Variants in TMIGD3 observed in about 807,000 individuals in gnomAD.
TMIGD3 encodes the protein transmembrane and immunoglobulin domain containing 3, also known as AD026 protein (AD026).
Under a neutral mutation model 28.1 loss-of-function variants are expected in TMIGD3, and 21 were observed. The ratio of observed to expected loss-of-function variants is 0.75; its 90% CI spans 0.53 to 1.08. TMIGD3 has a LOEUF of 1.08. Among genes scored for constraint, TMIGD3 ranks in the 50% least tolerant of loss-of-function variants. The pLI is 0.00. For missense variants in TMIGD3, 416 were observed against 435.6 expected, an observed-to-expected ratio of 0.96 and a Z score of 0.40; for synonymous variants, 151 against 162.1, an observed-to-expected ratio of 0.93 and a Z score of 0.52.
chr1:111,511,378 C>T (rs906199658), intron 1 of TMIGD3, among the ~76,000 whole-genome samples: 2 of 152,186 alleles, frequency 1.3e-5, no homozygotes, highest in African/African-American at 4.8e-5. Flanking sequence ...GTAGTACTCT[C>T]AGGTCTGTCT....
intron 1 of TMIGD3, among the ~76,000 whole-genome samples, chr1:111,531,749 T>A (rs1463376348): frequency 6.6e-6 from 1 of 152,084 alleles, no homozygotes; most frequent in Non-Finnish European, 1.5e-5. Context: ...AGAGACAGAT[T>A]CTATGTTGCC....
intron 1 of TMIGD3, among the ~76,000 whole-genome samples, chr1:111,534,207 G>A (rs1656562460): frequency 6.6e-6 from 1 of 152,200 alleles, no homozygotes; most frequent in South Asian, 2.1e-4. Flanking sequence ...AACATATCAT[G>A]GGTATCTTTC....
chr1:111,549,123 A>G (rs1388573141), intron 1 of TMIGD3, among the ~76,000 whole-genome samples: 1 of 152,116 alleles, frequency 6.6e-6, no homozygotes, highest in Non-Finnish European at 1.5e-5. Flanking sequence ...CACAATGGAT[A>G]TTGGTCTGTT....
intron 1 of TMIGD3, chr1:111,499,890 C>G: frequency 6.3e-7 from 1 of 1,584,328 alleles, no homozygotes; most frequent in Non-Finnish European, 8.6e-7. Flanking sequence ...TACAGGCCCT[C>G]AAGTGTTTGT....
chr1:111,515,500 C>T (rs1349570034), intron 1 of TMIGD3, among the ~76,000 whole-genome samples: 1 of 152,200 alleles, frequency 6.6e-6, no homozygotes, highest in African/African-American at 2.4e-5. Context: ...GCTGCCAGTC[C>T]CCTTTCAGCA....
At chr1:111,503,918 A>G (rs1544224), upstream of TMIGD3, 733,611 of 984,730 alleles carry the variant, frequency 0.74, 273,787 homozygotes, top group Middle Eastern at 0.81. Flanking sequence ...AGGTGGGAGC[A>G]GAGCTGGAAG....
chr1:111,521,370 T>A (rs1656055842), intron 1 of TMIGD3, among the ~76,000 whole-genome samples: 3 of 152,218 alleles, frequency 2.0e-5, no homozygotes, highest in Non-Finnish European at 4.4e-5. Flanking sequence ...AAAATGATTA[T>A]ATCATTTTAC....
At chr1:111,485,707 T>TGGGGG in intron 5 of TMIGD3, 33 bp downstream of exon 5, 1 of 1,353,498 alleles carries the variant, frequency 7.4e-7, no homozygotes. Flanking sequence ...CTCTAATTCT[T>TGGGGG]GCCCACCCCC....
At chr1:111,488,426 T>C (rs768523960) in intron 3 of TMIGD3, among the ~76,000 whole-genome samples, 1 of 152,194 alleles carries the variant, frequency 6.6e-6, no homozygotes, top group Admixed American at 6.5e-5. Flanking sequence ...TTAAACCAGA[T>C]TGCTGTAAGG....
intron 1 of TMIGD3, among the ~76,000 whole-genome samples, chr1:111,527,302 G>A (rs561004330): frequency 1.3e-4 from 20 of 152,228 alleles, no homozygotes; most frequent in South Asian, 4.1e-4. Flanking sequence ...GTGAGCCACC[G>A]CGCCTGACCC....
chr1:111,555,519 A>T (rs1388049198), intron 1 of TMIGD3, among the ~76,000 whole-genome samples: 1 of 152,094 alleles, frequency 6.6e-6, no homozygotes, highest in Non-Finnish European at 1.5e-5. Flanking sequence ...AAATTGAAGA[A>T]TAGCTGAAGA....
chr1:111,491,837 A>G (rs942703703), intron 1 of TMIGD3, among the ~76,000 whole-genome samples: 2 of 152,240 alleles, frequency 1.3e-5, no homozygotes, highest in African/African-American at 4.8e-5. Context: ...GGACAGTGAT[A>G]CTATTAGGAT....
At chr1:111,528,964 A>G (rs1488459993) in intron 1 of TMIGD3, among the ~76,000 whole-genome samples, 1 of 152,078 alleles carries the variant, frequency 6.6e-6, no homozygotes, top group Non-Finnish European at 1.5e-5. Context: ...AAAAACAGAC[A>G]GTTTCGTTTC....
At chr1:111,506,677 T>C (rs1655500153), upstream of TMIGD3, among the ~76,000 whole-genome samples, 1 of 151,904 alleles carries the variant, frequency 6.6e-6, no homozygotes, top group Non-Finnish European at 1.5e-5. Flanking sequence ...AGATCAGTAT[T>C]CTCAGATCTA....
chr1:111,563,505 T>C lies in TMIGD3; in HGVS notation c.107+341A>G, dbSNP rs1173339247. Among the ~76,000 whole-genome samples the C allele has an allele frequency of 4.6e-5, 7 of 152,160 alleles. 1 individual carries two copies. The highest frequency in any genetic ancestry group is 1.5e-5 in the Non-Finnish European group (1 of 68,028). On this transcript the variant is annotated intron_variant, in intron 1 of 5. Coordinates refer to the TMIGD3 transcript ENST00000369717. ...GGGAGAAACGAGCCTGAGTTTTATATAACAAAATAAAAGTTTACAAGAGCC... is the reference window on the plus strand; with the variant it reads ...GGGAGAAACGAGCCTGAGTTTTATACAACAAAATAAAAGTTTACAAGAGCC...
intron 1 of TMIGD3, among the ~76,000 whole-genome samples, chr1:111,555,858 G>C (rs369779420): frequency 1.3e-5 from 2 of 152,180 alleles, no homozygotes; most frequent in African/African-American, 4.8e-5. Flanking sequence ...ATTTGGCAAC[G>C]ATTTCTTGGA....
intron 1 of TMIGD3, chr1:111,500,339 G>A (rs746647527): frequency 1.9e-6 from 3 of 1,614,240 alleles, no homozygotes; most frequent in East Asian, 2.2e-5. Context: ...ATGACAACCA[G>A]GGGGATGAAA....
At chr1:111,484,804 T>C (rs945448427) in intron 5 of TMIGD3, among the ~76,000 whole-genome samples, 1 of 152,230 alleles carries the variant, frequency 6.6e-6, no homozygotes, top group African/African-American at 2.4e-5. Context: ...AGTCTGTTTT[T>C]AATTATGCCT....
chr1:111,532,760 C>A, intron 1 of TMIGD3, among the ~76,000 whole-genome samples: 1 of 152,258 alleles, frequency 6.6e-6, no homozygotes, highest in South Asian at 2.1e-4. Context: ...GTTGCCTAAC[C>A]GTGGCTTGTA....
Sources: allele counts gnomAD v4.1 joint callset (sites outside exome capture counted in the v4.1 genomes callset), GRCh38; gene constraint gnomAD v4.1.1; transcripts MANE v1.5; gene names NCBI Gene and HGNC (gene_info 2026-07-23, HGNC 2026-07-21).